Variants in KCNS3 observed in about 807,000 individuals in gnomAD.
The protein encoded by KCNS3 is delayed-rectifier potassium channel regulatory subunit KCNS3.
In KCNS3, 13 loss-of-function variants were observed where a neutral mutation model predicts 31.0. That is an observed-to-expected ratio of 0.42 (90% CI 0.27 to 0.67). The LOEUF is 0.67. Ranked by LOEUF, KCNS3 falls within the 30% of genes least tolerant of loss-of-function variation. The pLI, the probability that KCNS3 is intolerant of heterozygous loss-of-function variation, is 0.25. For synonymous variants in KCNS3, 238 were observed against 241.5 expected, an observed-to-expected ratio of 0.99 and a Z score of 0.13; for missense variants, 545 against 622.4, an observed-to-expected ratio of 0.88 and a Z score of 1.32.
chr2:17,891,745 G>A (rs1163407324), intron 1 of KCNS3, among the ~76,000 whole-genome samples: 1 of 152,152 alleles, frequency 6.6e-6, no homozygotes, highest in African/African-American at 2.4e-5. Context: ...GGAGACTGAG[G>A]ATATGGCCCT....
At chr2:17,920,031 C>A (rs1662676418) in intron 2 of KCNS3, among the ~76,000 whole-genome samples, 1 of 152,060 alleles carries the variant, frequency 6.6e-6, no homozygotes, top group South Asian at 2.1e-4. Flanking sequence ...TTTAGCATGA[C>A]CTACTCTTTA....
chr2:17,878,413 G>C (rs1338894485), upstream of KCNS3, among the ~76,000 whole-genome samples: 4 of 152,004 alleles, frequency 2.6e-5, no homozygotes, highest in Non-Finnish European at 5.9e-5. Context: ...CTTGGGCCTG[G>C]GCGGGGGCGC....
Position 17,932,657 on chromosome 2 carries a change from G to A in KCNS3, c.*173G>A. 1.5e-6 allele frequency: 1 copy of A among 660,286 alleles called. No homozygotes were observed. The highest frequency in any genetic ancestry group is 2.5e-6 in the Non-Finnish European group (1 of 400,266). The allele number at this position is 660,286 out of a possible 1,614,324, so 40.9% of individuals were successfully genotyped here. ...GATAGAATTGTCTTTATTTTTCTCT[G>A]TGAGGTCAATTAAATGCCTTGTTCT... is the stretch of plus-strand genomic sequence containing the variant. On this transcript the variant is annotated 3_prime_UTR_variant, in exon 3 of 3. Transcript: ENST00000304101.
chr2:17,917,050 G>A (rs1194833097), intron 1 of KCNS3, among the ~76,000 whole-genome samples: 1 of 152,018 alleles, frequency 6.6e-6, no homozygotes, highest in Non-Finnish European at 1.5e-5. Flanking sequence ...ACTGAAATTT[G>A]GCTTTTTATT....
chr2:17,882,901 C>T (rs899581123), intron 1 of KCNS3, among the ~76,000 whole-genome samples: 2 of 152,090 alleles, frequency 1.3e-5, no homozygotes, highest in Non-Finnish European at 2.9e-5. Flanking sequence ...TCAAAATCTA[C>T]ACATTATAAA....
At chr2:17,900,780 G>A (rs777706975) in intron 1 of KCNS3, among the ~76,000 whole-genome samples, 10 of 152,072 alleles carry the variant, frequency 6.6e-5, no homozygotes, top group Non-Finnish European at 1.2e-4. Flanking sequence ...ATGAACCACC[G>A]CGTCTGGCTG....
chr2:17,914,593 C>T (rs868415521), intron 1 of KCNS3, among the ~76,000 whole-genome samples: 11 of 152,174 alleles, frequency 7.2e-5, no homozygotes, highest in South Asian at 2.1e-4. Flanking sequence ...CATTAATTTA[C>T]TCTTTAGTCT....
rs1662728513 is a variant in KCNS3, at chr2:17,922,011, A to C, written c.-60+4140A>C. Among the ~76,000 whole-genome samples, 5 of 147,120 alleles carry C rather than the reference A, an allele frequency of 3.4e-5. No individual in the cohort carries two copies. The Admixed American group carries it at 3.4e-4, about 10-fold the overall frequency. The stretch of plus-strand genomic sequence containing the variant: ...GGCTGGTTAGAATCAGGATCTGTAC[A>C]AAGTCTGTACACTGGCTTTGTTTGA... On this transcript the variant is annotated intron_variant, in intron 2 of 2. Coordinates refer to ENST00000304101, the MANE Select transcript of KCNS3 (RefSeq NM_002252.5).
At chr2:17,899,396 A>T (rs918333611) in intron 1 of KCNS3, among the ~76,000 whole-genome samples, 10 of 150,872 alleles carry the variant, frequency 6.6e-5, no homozygotes, top group Admixed American at 6.0e-4. Context: ...TATTATTATT[A>T]TATTACATCT....
chr2:17,883,754 G>T (rs540444328), intron 1 of KCNS3, among the ~76,000 whole-genome samples: 1 of 151,832 alleles, frequency 6.6e-6, no homozygotes, highest in South Asian at 2.1e-4. Context: ...TCCCATTACT[G>T]GGTATATACC....
intron 2 of KCNS3, among the ~76,000 whole-genome samples, chr2:17,924,415 A>G (rs1216502590): frequency 3.3e-5 from 5 of 152,008 alleles, no homozygotes; most frequent in Non-Finnish European, 5.9e-5. Context: ...GTGGGATTGG[A>G]CATTCATGTT....
At position 17,884,268 on chromosome 2, in the gene KCNS3, A is replaced by ATATAT. The variant is rs1553340999; in HGVS notation, c.-252+5462_-252+5463insTATAT. Among the ~76,000 whole-genome samples the ATATAT allele has an allele frequency of 9.1e-3, 424 of 46,406 alleles. 4 individuals carry two copies. Among genetic ancestry groups the ATATAT allele is most frequent in the Non-Finnish European group, 0.012 (303 of 24,958 alleles). The allele number at this position is 46,406 out of a possible 152,430, so 30.4% of individuals were successfully genotyped here. A position where few individuals can be genotyped will look rare whatever the true frequency, so the allele number is the denominator to read the frequency against. ...CTTAAAGTATAATTAAAAAAAAAAA[A>ATATAT]ATATATATATATATATATATATATA... On this transcript the variant is annotated intron_variant, in intron 1 of 2. Transcript: ENST00000304101.
Position 17,930,945 on chromosome 2 carries a change from T to C in KCNS3, c.-59-5T>C, listed in dbSNP as rs2125255727. The C allele has an allele frequency of 1.3e-6, 2 of 1,555,618 alleles. No homozygotes were observed. On this transcript the variant is annotated splice_region_variant and splice_polypyrimidine_tract_variant and intron_variant, in intron 2 of 2. Transcript: ENST00000304101. ...AGTGCTAATATCATCTTGTGCTCTT[T>C]CCAGGTGCAGCCTGATCTTCCTCTT...
intron 1 of KCNS3, among the ~76,000 whole-genome samples, chr2:17,908,280 G>A (rs2125244031): frequency 6.6e-6 from 1 of 152,262 alleles, no homozygotes; most frequent in African/African-American, 2.4e-5. Flanking sequence ...CATTCGTCAT[G>A]TAGTTCTCGT....
At position 17,931,323 on chromosome 2, in the gene KCNS3, C is replaced by A; in HGVS notation, c.315C>A (p.Tyr105Ter). 6.2e-7 allele frequency: 1 copy of A among 1,614,132 alleles called. No homozygotes were observed. Among genetic ancestry groups the A allele is most frequent in the Non-Finnish European group, 8.5e-7 (1 of 1,180,030 alleles). The change falls in exon 3 of 3, where the codon TAC becomes TAA. Residue 105 changes from tyrosine (Y) to a stop codon, truncating the protein, a stop_gained. Transcript: ENST00000304101. LOFTEE classifies it high-confidence loss of function. The surrounding 1 kb of genome is among the most constrained non-coding windows in gnomAD (Gnocchi z 5.4). ...CVFSFCQEIE[Y>*]WGINELFIDS... is the part of the protein sequence containing the mutation. Reference sequence around the variant, plus strand: ...TCTCATTCTGCCAGGAGATCGAGTACTGGGGCATCAACGAGCTCTTCATTG... The same window carrying A: ...TCTCATTCTGCCAGGAGATCGAGTAATGGGGCATCAACGAGCTCTTCATTG...
chr2:17,895,110 G>A (rs913954401), intron 1 of KCNS3, among the ~76,000 whole-genome samples: 2 of 152,130 alleles, frequency 1.3e-5, no homozygotes, highest in Non-Finnish European at 2.9e-5. Context: ...GACTGGATAC[G>A]GATGTTTGTG....
intron 1 of KCNS3, among the ~76,000 whole-genome samples, chr2:17,884,261 AAAAAAAAATATATATAT>A (rs1276993726): frequency 2.1e-5 from 1 of 46,864 alleles, no homozygotes; most frequent in African/African-American, 7.3e-5. Context: ...ATAATTAAAA[AAAAAAAAATATATATAT>A]ATATATATAT....
intron 1 of KCNS3, among the ~76,000 whole-genome samples, chr2:17,887,790 A>G (rs1661713847): frequency 6.6e-6 from 1 of 152,210 alleles, no homozygotes; most frequent in South Asian, 2.1e-4. Context: ...CATTCCCACC[A>G]GCAGTGTAGA....
At chr2:17,894,129 T>G (rs1661929942) in intron 1 of KCNS3, among the ~76,000 whole-genome samples, 1 of 152,034 alleles carries the variant, frequency 6.6e-6, no homozygotes, top group Admixed American at 6.6e-5. Flanking sequence ...TTTACAGTCC[T>G]TCATTTATGT....
Sources: allele counts gnomAD v4.1 joint callset (sites outside exome capture counted in the v4.1 genomes callset), GRCh38; gene constraint gnomAD v4.1.1; non-coding constraint Gnocchi (gnomAD v3.1); transcripts MANE v1.5; gene names NCBI Gene and HGNC (gene_info 2026-07-23, HGNC 2026-07-21).